Variants in ELMO1 observed in about 807,000 individuals in gnomAD.
The protein encoded by ELMO1 is engulfment and cell motility 1.
Under a neutral mutation model 98.9 loss-of-function variants are expected in ELMO1, and 26 were observed. The observed-to-expected ratio is 0.26, with a 90% CI of 0.19 to 0.36. The LOEUF (loss-of-function observed/expected upper bound fraction) is 0.36, where lower values mean the gene tolerates loss of function less well. ELMO1 is among the 10% of genes least tolerant of loss of function. The probability of loss-of-function intolerance (pLI) is 1.00; values close to 1 mark genes in which losing one functional copy is unlikely to be tolerated. For missense variants in ELMO1, 627 were observed against 935.2 expected (o/e 0.67, Z 4.30); for synonymous variants, 346 against 346.0 (o/e 1.00, Z 0.00).
At chr7:36,877,335 T>C (rs1482059378) in intron 19 of ELMO1, among the ~76,000 whole-genome samples, 1 of 152,246 alleles carries the variant, frequency 6.6e-6, no homozygotes, top group Non-Finnish European at 1.5e-5. Context: ...TGTATTTCAG[T>C]GTTTCTATAA....
intron 14 of ELMO1, among the ~76,000 whole-genome samples, chr7:37,102,672 T>C (rs551966715): frequency 1.3e-5 from 2 of 152,350 alleles, no homozygotes; most frequent in African/African-American, 4.8e-5. Context: ...TCCACACACG[T>C]GTACCAGCAC....
chr7:37,246,245 T>C (rs1009107097), intron 6 of ELMO1, among the ~76,000 whole-genome samples: 1 of 152,160 alleles, frequency 6.6e-6, no homozygotes, highest in East Asian at 1.9e-4. Context: ...GAAGAAATCA[T>C]AGTATTAGAA....
At chr7:37,393,319 C>T (rs75246107) in intron 1 of ELMO1, among the ~76,000 whole-genome samples, 2,294 of 152,302 alleles carry the variant, frequency 0.015, 55 homozygotes, top group African/African-American at 0.053. Context: ...ATAACCACCA[C>T]ACAAGCATTC....
intron 16 of ELMO1, among the ~76,000 whole-genome samples, chr7:36,966,106 C>T (rs1789406989): frequency 6.6e-6 from 1 of 152,172 alleles, no homozygotes; most frequent in South Asian, 2.1e-4. Context: ...TACTGCAGGT[C>T]CTCCATTTAA....
intron 1 of ELMO1, among the ~76,000 whole-genome samples, chr7:37,400,181 G>A (rs1803465909): frequency 6.6e-6 from 1 of 152,182 alleles, no homozygotes; most frequent in African/African-American, 2.4e-5. Context: ...TAGAACATCA[G>A]ATAGCATATG....
At chr7:37,409,467 G>T (rs73693568) in intron 1 of ELMO1, among the ~76,000 whole-genome samples, 1 of 152,174 alleles carries the variant, frequency 6.6e-6, no homozygotes, top group Non-Finnish European at 1.5e-5. Flanking sequence ...GCAGGGTTGG[G>T]TAAGTATGGT....
chr7:37,165,571 C>G (rs570460449), intron 13 of ELMO1, among the ~76,000 whole-genome samples: 59 of 152,124 alleles, frequency 3.9e-4, no homozygotes, highest in Admixed American at 2.2e-3. Flanking sequence ...TGTCAAAGGC[C>G]TTTTCTGCAT....
chr7:37,448,029 C>T (rs1473739376), intron 1 of ELMO1, among the ~76,000 whole-genome samples: 1 of 152,008 alleles, frequency 6.6e-6, no homozygotes, highest in East Asian at 2.0e-4. Context: ...CGGTGTGTCC[C>T]CGGGAGGAGA....
At chr7:37,221,324 A>C (rs1196828256) in intron 10 of ELMO1, among the ~76,000 whole-genome samples, 1 of 152,212 alleles carries the variant, frequency 6.6e-6, no homozygotes, top group East Asian at 1.9e-4. Flanking sequence ...AAAAAGCAAA[A>C]TAAAATCCAA....
intron 2 of ELMO1, among the ~76,000 whole-genome samples, chr7:37,333,954 A>T (rs1240923962): frequency 2.0e-5 from 3 of 152,160 alleles, no homozygotes; most frequent in Non-Finnish European, 4.4e-5. Flanking sequence ...TCTTTAAAGG[A>T]CTCACTAAAA....
intron 1 of ELMO1, among the ~76,000 whole-genome samples, chr7:37,448,295 C>T (rs1416277476): frequency 6.6e-6 from 1 of 151,750 alleles, no homozygotes; most frequent in Non-Finnish European, 1.5e-5. Context: ...GCGTCGCAAC[C>T]CTCCCGCGCC....
intron 13 of ELMO1, among the ~76,000 whole-genome samples, chr7:37,192,462 T>G (rs1432045587): frequency 7.7e-6 from 1 of 130,358 alleles, no homozygotes; most frequent in Non-Finnish European, 1.5e-5. Context: ...GCCACTGAAC[T>G]CCATCCAGCC....
chr7:37,143,380 G>A (rs920859207), intron 13 of ELMO1, among the ~76,000 whole-genome samples: 1 of 152,154 alleles, frequency 6.6e-6, no homozygotes, highest in African/African-American at 2.4e-5. Context: ...TATTCCCTCT[G>A]GCAGAGTGGG....
intron 16 of ELMO1, among the ~76,000 whole-genome samples, chr7:36,963,500 C>T (rs1789147580): frequency 6.6e-6 from 1 of 151,992 alleles, no homozygotes; most frequent in Admixed American, 6.6e-5. Context: ...TGTGATACTC[C>T]CCTCACACAA....
chr7:37,399,354 T>C (rs1433179884), intron 1 of ELMO1, among the ~76,000 whole-genome samples: 1 of 152,346 alleles, frequency 6.6e-6, no homozygotes, highest in East Asian at 1.9e-4. Flanking sequence ...GTAAGGATTT[T>C]CTGCCAGTGA....
At chr7:37,035,857 T>C (rs1795146164) in intron 15 of ELMO1, among the ~76,000 whole-genome samples, 1 of 152,246 alleles carries the variant, frequency 6.6e-6, no homozygotes, top group African/African-American at 2.4e-5. Flanking sequence ...TTGCAACATT[T>C]GAGCTCACTG....
At chr7:37,039,484 A>T (rs1183435752) in intron 15 of ELMO1, among the ~76,000 whole-genome samples, 3 of 152,194 alleles carry the variant, frequency 2.0e-5, no homozygotes, top group Non-Finnish European at 4.4e-5. Flanking sequence ...CTATCATTCC[A>T]GTTTGTCTTA....
At chr7:36,933,317 G>C (rs796691540) in intron 16 of ELMO1, among the ~76,000 whole-genome samples, 3 of 152,122 alleles carry the variant, frequency 2.0e-5, no homozygotes, top group African/African-American at 7.2e-5. Flanking sequence ...TTGGTCCAAG[G>C]TGCCCCAGAC....
chr7:37,383,819 T>C (rs1245132220), intron 1 of ELMO1, among the ~76,000 whole-genome samples: 3 of 152,076 alleles, frequency 2.0e-5, no homozygotes, highest in South Asian at 4.1e-4. Context: ...TTTGTTGTTG[T>C]TGTTGTTGTT....
Sources: allele counts gnomAD v4.1 joint callset (sites outside exome capture counted in the v4.1 genomes callset), GRCh38; gene constraint gnomAD v4.1.1; transcripts MANE v1.5; gene names NCBI Gene and HGNC (gene_info 2026-07-23, HGNC 2026-07-21).